TAF1B: variants seen among roughly 807,000 people sequenced by gnomAD.
TAF1B encodes TATA-box binding protein associated factor, RNA polymerase I subunit B, also known as TATA box-binding protein-associated factor RNA polymerase I subunit B.
A neutral mutation model predicts 83.9 loss-of-function variants in TAF1B; 61 were observed. That is an observed-to-expected ratio of 0.73 (90% CI 0.59 to 0.90). TAF1B has a LOEUF of 0.90. TAF1B is among the 40% of genes least tolerant of loss of function. The pLI, the probability that TAF1B is intolerant of heterozygous loss-of-function variation, is 0.00. For synonymous variants in TAF1B, 221 were observed against 224.6 expected (o/e 0.98, Z 0.14); for missense variants, 625 against 677.0 (o/e 0.92, Z 0.85).
chr2:9,890,296 G>A (rs553398612), intron 8 of TAF1B, among the ~76,000 whole-genome samples: 2 of 152,180 alleles, frequency 1.3e-5, no homozygotes, highest in Non-Finnish European at 2.9e-5. Context: ...CCAGTTCTCT[G>A]TTGGATACGG....
intron 8 of TAF1B, among the ~76,000 whole-genome samples, chr2:9,900,381 A>G (rs1483192032): frequency 6.6e-6 from 1 of 152,140 alleles, no homozygotes. Context: ...AAAAAATACA[A>G]AAAATTAGCT....
chr2:9,920,185 A>G (rs185981113), intron 14 of TAF1B, among the ~76,000 whole-genome samples: 1 of 152,252 alleles, frequency 6.6e-6, no homozygotes, highest in East Asian at 1.9e-4. Flanking sequence ...TTTCCTAAAA[A>G]TAAGGATATT....
intron 5 of TAF1B, among the ~76,000 whole-genome samples, chr2:9,856,012 TTGATAC>T (rs1663554039): frequency 6.6e-6 from 1 of 152,202 alleles, no homozygotes; most frequent in African/African-American, 2.4e-5. Context: ...CTGAATCTGT[TTGATAC>T]ACATTTGTTA....
At position 9,875,991 on chromosome 2, in the gene TAF1B, A is replaced by G; in HGVS notation, c.680A>G (p.Glu227Gly). 1 of 1,612,090 alleles carries G rather than the reference A, an allele frequency of 6.2e-7. No individual in the cohort carries two copies. Among genetic ancestry groups the G allele is most frequent in the Non-Finnish European group, 8.5e-7 (1 of 1,178,486 alleles). Residue 227 changes from glutamate (E) to glycine (G), a missense_variant, in exon 7 of 15, where the codon GAA (glutamate) becomes GGA (glycine). Glu to Gly is a moderately conservative substitution (Grantham distance 98, BLOSUM62 -2). Transcript: ENST00000263663. ...TATCTGTCCTTACTTTGGCAGAGAG[A>G]AGCAATAACACTTTCAGATCTTTTG... ...FCYLSLLWQREAITLSDLLRF... is the reference protein window; with the variant it reads ...FCYLSLLWQRGAITLSDLLRF...
chr2:9,894,777 C>T (rs190899172), intron 8 of TAF1B, among the ~76,000 whole-genome samples: 22 of 152,244 alleles, frequency 1.4e-4, no homozygotes, highest in Admixed American at 2.6e-4. Flanking sequence ...AACCGAGTAA[C>T]GGCAGAGGTA....
intron 8 of TAF1B, among the ~76,000 whole-genome samples, chr2:9,891,503 A>G (rs1664873363): frequency 6.6e-6 from 1 of 152,174 alleles, no homozygotes; most frequent in Non-Finnish European, 1.5e-5. Flanking sequence ...ATAATACTTG[A>G]TAATAACTGT....
rs57261740 is a variant in TAF1B, at chr2:9,908,028, C to CTTTTTTTTTTTTTTTTTTTTT, written c.956-2693_956-2673dup. 9.8e-5 allele frequency among the ~76,000 whole-genome samples: 7 copies of CTTTTTTTTTTTTTTTTTTTTT among 71,754 alleles called. 2 individuals carry two copies. The highest frequency in any genetic ancestry group is 3.9e-4 in the African/African-American group (5 of 12,702). The allele number at this position is 71,754 out of a possible 152,430, so 47.1% of individuals were successfully genotyped here. A position where few individuals can be genotyped will look rare whatever the true frequency, so the allele number is the denominator to read the frequency against. On this transcript the variant is annotated intron_variant, in intron 9 of 14. Transcript: ENST00000263663. ...AGCGGAGCAGTTCAAGATCTTAATT[C>CTTTTTTTTTTTTTTTTTTTTT]TTTTTTTTTTTTTTTTTTTTTTTTT... is the stretch of plus-strand genomic sequence containing the variant.
chr2:9,869,244 A>T (rs544340552), intron 6 of TAF1B, among the ~76,000 whole-genome samples: 1 of 151,564 alleles, frequency 6.6e-6, no homozygotes, highest in South Asian at 2.1e-4. Context: ...TTTGTTTTTG[A>T]GATGGAATCT....
At chr2:9,904,769 TTAA>T (rs1665289177) in intron 8 of TAF1B, 87 bp from the exon 9 acceptor site, 1 of 1,305,402 alleles carries the variant, frequency 7.7e-7, no homozygotes, top group East Asian at 2.5e-5. Context: ...TTTTTACTTT[TTAA>T]TAATAGCCAT....
At chr2:9,869,111 C>T (rs1664086347) in intron 6 of TAF1B, among the ~76,000 whole-genome samples, 1 of 152,202 alleles carries the variant, frequency 6.6e-6, no homozygotes, top group Middle Eastern at 3.2e-3. Flanking sequence ...CCCAGAAGAC[C>T]ATGACTGTAA....
At chr2:9,875,490 C>T (rs1468352148) in intron 6 of TAF1B, among the ~76,000 whole-genome samples, 1 of 152,176 alleles carries the variant, frequency 6.6e-6, no homozygotes, top group Non-Finnish European at 1.5e-5. Context: ...AATGGACTCA[C>T]AGTTCCACAT....
chr2:9,920,266 C>T (rs532228395), intron 14 of TAF1B, among the ~76,000 whole-genome samples: 5 of 152,136 alleles, frequency 3.3e-5, no homozygotes, highest in Non-Finnish European at 5.9e-5. Flanking sequence ...TTATCTCACC[C>T]ACAGTCCATA....
At chr2:9,895,197 A>C (rs1043429257) in intron 8 of TAF1B, among the ~76,000 whole-genome samples, 2 of 152,226 alleles carry the variant, frequency 1.3e-5, no homozygotes, top group African/African-American at 4.8e-5. Flanking sequence ...CTAGATTTTG[A>C]ACACAAAAAA....
chr2:9,918,034 T>C (rs1665738684), intron 12 of TAF1B, among the ~76,000 whole-genome samples: 2 of 147,588 alleles, frequency 1.4e-5, no homozygotes, highest in African/African-American at 5.0e-5. Context: ...ATCCCACCAC[T>C]GCACTCCAGC....
chr2:9,868,180 T>C (rs775928324), intron 5 of TAF1B, 96 bp from the exon 6 acceptor site: 117 of 1,322,050 alleles, frequency 8.8e-5, no homozygotes, highest in Non-Finnish European at 1.2e-4. Context: ...GAGTGGTTTC[T>C]TTTAGGGTGT....
chr2:9,844,757 T>C (rs1423983049), intron 1 of TAF1B, among the ~76,000 whole-genome samples: 2 of 152,206 alleles, frequency 1.3e-5, no homozygotes, highest in Admixed American at 6.5e-5. Flanking sequence ...AAAAGCCTGG[T>C]ACACACATAG....
chr2:9,857,768 G>T (rs1044602919), intron 5 of TAF1B, among the ~76,000 whole-genome samples: 2 of 152,106 alleles, frequency 1.3e-5, no homozygotes, highest in African/African-American at 4.8e-5. Context: ...GCCCATGCAG[G>T]GGGAAACTGC....
At chr2:9,917,790 C>T (rs769888286) in intron 12 of TAF1B, among the ~76,000 whole-genome samples, 2 of 152,142 alleles carry the variant, frequency 1.3e-5, no homozygotes, top group Non-Finnish European at 2.9e-5. Flanking sequence ...ATGGTGGAGC[C>T]GGCCGGGCGC....
chr2:9,919,209 T>G (rs765688220), intron 13 of TAF1B, 98 bp downstream of exon 13: 31 of 1,026,854 alleles, frequency 3.0e-5, no homozygotes, highest in Non-Finnish European at 4.0e-5. Flanking sequence ...GTTTTTTACT[T>G]TTTTTAAACA....
Sources: gnomAD v4.1 joint callset for allele counts (sites outside exome capture counted in the v4.1 genomes callset) on GRCh38, gnomAD v4.1.1 for gene constraint, MANE v1.5 for transcripts, NCBI Gene and HGNC (gene_info 2026-07-23, HGNC 2026-07-21) for gene names.